DYNC1I1: variants seen among roughly 807,000 people sequenced by gnomAD.
DYNC1I1 encodes the protein dynein cytoplasmic 1 intermediate chain 1.
In DYNC1I1, 43 loss-of-function variants were observed where a neutral mutation model predicts 86.6. That is an observed-to-expected ratio of 0.50 (90% CI 0.39 to 0.64). DYNC1I1 has a LOEUF of 0.64. Ranked by LOEUF, DYNC1I1 falls within the 30% of genes least tolerant of loss-of-function variation. The probability of loss-of-function intolerance (pLI) is 0.00; values close to 1 mark genes in which losing one functional copy is unlikely to be tolerated. For missense variants in DYNC1I1, 604 were observed against 788.8 expected, an observed-to-expected ratio of 0.77 and a Z score of 2.81; for synonymous variants, 262 against 283.7, an observed-to-expected ratio of 0.92 and a Z score of 0.77.
chr7:95,976,021 A>G (rs370989587), intron 6 of DYNC1I1, among the ~76,000 whole-genome samples: 22 of 152,326 alleles, frequency 1.4e-4, no homozygotes, highest in Non-Finnish European at 1.9e-4. Flanking sequence ...AAGGACATAG[A>G]TATGCTATTT....
chr7:95,891,969 CT>C (rs11322703), intron 6 of DYNC1I1, among the ~76,000 whole-genome samples: 121,456 of 150,896 alleles, frequency 0.8, 49,081 homozygotes, highest in Middle Eastern at 0.86. Flanking sequence ...GTTTTTGTAA[CT>C]TTTTTTTTTC....
At chr7:96,075,635 A>G (rs1255051282) in intron 14 of DYNC1I1, among the ~76,000 whole-genome samples, 1 of 152,162 alleles carries the variant, frequency 6.6e-6, no homozygotes, top group Non-Finnish European at 1.5e-5. Flanking sequence ...CCTTCAATGA[A>G]AGGGTTCGGG....
intron 4 of DYNC1I1, among the ~76,000 whole-genome samples, chr7:95,816,113 G>A (rs1584248775): frequency 6.6e-6 from 1 of 151,908 alleles, no homozygotes; most frequent in Admixed American, 6.6e-5. Context: ...AAACTCCTGG[G>A]CTCAAGCAAT....
intron 6 of DYNC1I1, among the ~76,000 whole-genome samples, chr7:95,921,083 A>C (rs1209814850): frequency 2.6e-5 from 4 of 152,222 alleles, no homozygotes; most frequent in Non-Finnish European, 5.9e-5. Flanking sequence ...AGCTATGTTC[A>C]TAAAACCAAG....
intron 14 of DYNC1I1, among the ~76,000 whole-genome samples, chr7:96,054,209 T>C (rs1789501242): frequency 6.6e-6 from 1 of 152,096 alleles, no homozygotes; most frequent in Admixed American, 6.6e-5. Flanking sequence ...ATTGTTCAAC[T>C]TCCACTTATG....
intron 6 of DYNC1I1, among the ~76,000 whole-genome samples, chr7:95,897,757 T>C (rs1790924640): frequency 6.7e-6 from 1 of 149,950 alleles, no homozygotes; most frequent in South Asian, 2.1e-4. Flanking sequence ...TTTGCAATAA[T>C]GATATGCTTT....
chr7:96,046,255 T>G (rs576262829), intron 14 of DYNC1I1, among the ~76,000 whole-genome samples: 1 of 152,310 alleles, frequency 6.6e-6, no homozygotes, highest in South Asian at 2.1e-4. Flanking sequence ...TGTTGATTTA[T>G]TTTTATTTTC....
chr7:95,810,649 G>T, intron 3 of DYNC1I1, 143 bp downstream of exon 3: 1 of 707,442 alleles, frequency 1.4e-6, no homozygotes, highest in Non-Finnish European at 2.1e-6. Flanking sequence ...GGTTCAGGTT[G>T]CATGTGTTTT....
intron 16 of DYNC1I1, among the ~76,000 whole-genome samples, chr7:96,104,803 G>A (rs982567854): frequency 2.6e-5 from 4 of 151,986 alleles, no homozygotes; most frequent in African/African-American, 4.8e-5. Flanking sequence ...ATCAAGTGGC[G>A]TAAGTACTCC....
chr7:95,861,745 T>C (rs1789885148), intron 5 of DYNC1I1, among the ~76,000 whole-genome samples: 2 of 152,154 alleles, frequency 1.3e-5, no homozygotes, highest in East Asian at 3.9e-4. Context: ...TCAGGTGGAC[T>C]TTAGTGACGC....
intron 6 of DYNC1I1, among the ~76,000 whole-genome samples, chr7:95,931,118 T>G (rs1293295394): frequency 6.6e-6 from 1 of 152,226 alleles, no homozygotes; most frequent in Non-Finnish European, 1.5e-5. Flanking sequence ...CTTTTAAATA[T>G]GTTTTTAAGT....
At chr7:95,812,038 T>C (rs1922332) in intron 3 of DYNC1I1, among the ~76,000 whole-genome samples, 136,561 of 152,212 alleles carry the variant, frequency 0.9, 61,449 homozygotes, top group East Asian at 0.98. Context: ...GCAAGGGCCC[T>C]GTTTTCATTT....
At chr7:96,048,128 C>T (rs991770927) in intron 14 of DYNC1I1, among the ~76,000 whole-genome samples, 5 of 152,024 alleles carry the variant, frequency 3.3e-5, no homozygotes, top group Non-Finnish European at 7.4e-5. Context: ...AGGATTAGAC[C>T]AGGTCCTGTA....
At chr7:95,869,178 G>A (rs1055208988) in intron 5 of DYNC1I1, among the ~76,000 whole-genome samples, 1 of 152,124 alleles carries the variant, frequency 6.6e-6, no homozygotes, top group African/African-American at 2.4e-5. Context: ...ATAAAGGCAC[G>A]TAACATAATG....
intron 7 of DYNC1I1, among the ~76,000 whole-genome samples, chr7:95,978,001 T>C (rs897762887): frequency 1.3e-5 from 2 of 152,218 alleles, no homozygotes; most frequent in African/African-American, 4.8e-5. Flanking sequence ...GAAACATTAA[T>C]AGTGATCAAC....
intron 3 of DYNC1I1, among the ~76,000 whole-genome samples, chr7:95,811,005 G>A (rs759034652): frequency 2.1e-4 from 32 of 152,198 alleles, no homozygotes; most frequent in African/African-American, 7.2e-4. Context: ...ATTAGCAGCC[G>A]ATTAACAAGT....
At chr7:96,061,712 T>C (rs7790922) in intron 14 of DYNC1I1, among the ~76,000 whole-genome samples, 1 of 136,812 alleles carries the variant, frequency 7.3e-6, no homozygotes. Context: ...TCTCTCTCTC[T>C]CACACACACA....
At chr7:95,867,500 A>G (rs922865201) in intron 5 of DYNC1I1, among the ~76,000 whole-genome samples, 6 of 152,198 alleles carry the variant, frequency 3.9e-5, no homozygotes, top group Admixed American at 3.3e-4. Context: ...TGACATCACC[A>G]TTGTGCTGTA....
At chr7:96,009,028 A>G (rs1375475645) in intron 10 of DYNC1I1, among the ~76,000 whole-genome samples, 1 of 152,208 alleles carries the variant, frequency 6.6e-6, no homozygotes, top group Non-Finnish European at 1.5e-5. Flanking sequence ...TTTGTTTTCC[A>G]TCTATTTATC....
Sources: gnomAD v4.1 joint callset for allele counts (sites outside exome capture counted in the v4.1 genomes callset) on GRCh38, gnomAD v4.1.1 for gene constraint, MANE v1.5 for transcripts, NCBI Gene and HGNC (gene_info 2026-07-23, HGNC 2026-07-21) for gene names.